RGS6: variants seen among roughly 807,000 people sequenced by gnomAD.
RGS6 encodes regulator of G-protein signaling 6.
Under a neutral mutation model 78.5 loss-of-function variants are expected in RGS6, and 30 were observed. That is an observed-to-expected ratio of 0.38 (90% CI 0.29 to 0.52). The LOEUF is 0.52. Among genes scored for constraint, RGS6 ranks in the 20% least tolerant of loss-of-function variants. RGS6 has a pLI of 0.85. For synonymous variants in RGS6, 206 were observed against 206.0 expected, an observed-to-expected ratio of 1.00 and a Z score of 0.00; for missense variants, 495 against 609.7, an observed-to-expected ratio of 0.81 and a Z score of 1.98.
At chr14:72,007,327 G>A (rs2084763054) in intron 2 of RGS6, among the ~76,000 whole-genome samples, 1 of 152,036 alleles carries the variant, frequency 6.6e-6, no homozygotes, top group Non-Finnish European at 1.5e-5. Flanking sequence ...CCAAATTCAG[G>A]GCACTTTTAG....
the RGS6 span, among the ~76,000 whole-genome samples, chr14:71,879,300 G>A: frequency 1.3e-5 from 2 of 152,352 alleles, no homozygotes; most frequent in Non-Finnish European, 2.9e-5. Flanking sequence ...GGACATAATA[G>A]TAGCAATATA....
intron 1 of RGS6, among the ~76,000 whole-genome samples, chr14:71,943,603 C>T (rs907953847): frequency 3.3e-5 from 5 of 152,124 alleles, no homozygotes; most frequent in African/African-American, 9.7e-5. Flanking sequence ...GAGAAGGCAG[C>T]GTGGGCAAGA....
chr14:72,087,338 C>T (rs2095085879), intron 2 of RGS6, among the ~76,000 whole-genome samples: 1 of 152,090 alleles, frequency 6.6e-6, no homozygotes, highest in South Asian at 2.1e-4. Context: ...GCCATATTGG[C>T]CAGGCTGGTT....
intron 12 of RGS6, among the ~76,000 whole-genome samples, chr14:72,487,492 T>C (rs1468175977): frequency 1.3e-5 from 2 of 152,152 alleles, no homozygotes. Flanking sequence ...CAGTTCACCT[T>C]AAAATAGAGA....
At chr14:72,302,144 A>G (rs1476004035) in intron 2 of RGS6, among the ~76,000 whole-genome samples, 1 of 152,234 alleles carries the variant, frequency 6.6e-6, no homozygotes. Context: ...GGAAGAGGTG[A>G]TACTTGCTCT....
At chr14:72,152,899 GAA>G (rs1328207038) in intron 2 of RGS6, among the ~76,000 whole-genome samples, 1 of 151,720 alleles carries the variant, frequency 6.6e-6, no homozygotes, top group Non-Finnish European at 1.5e-5. Context: ...GGGTAAAAAG[GAA>G]AAAAAGGGAA....
At chr14:72,261,129 G>A (rs978484207) in intron 2 of RGS6, among the ~76,000 whole-genome samples, 1 of 152,170 alleles carries the variant, frequency 6.6e-6, no homozygotes, top group African/African-American at 2.4e-5. Context: ...GTCCATGTGG[G>A]CCTCTGAAGA....
At chr14:72,554,109 A>G (rs1461763551) in intron 17 of RGS6, among the ~76,000 whole-genome samples, 1 of 152,262 alleles carries the variant, frequency 6.6e-6, no homozygotes, top group Non-Finnish European at 1.5e-5. Flanking sequence ...TGGGGAAGAA[A>G]GAAATGAGCC....
At chr14:72,594,019 C>T in the RGS6 span, among the ~76,000 whole-genome samples, 2 of 152,066 alleles carry the variant, frequency 1.3e-5, no homozygotes, top group South Asian at 2.1e-4. Flanking sequence ...GGGACCAGAA[C>T]CAAGATCTCT....
chr14:72,102,019 G>C (rs556327367), intron 2 of RGS6, among the ~76,000 whole-genome samples: 11 of 152,280 alleles, frequency 7.2e-5, no homozygotes, highest in African/African-American at 2.6e-4. Flanking sequence ...GCTTTTGTAG[G>C]GAGTGGTTGT....
chr14:71,931,120 G>A (rs2087826960), upstream of RGS6, among the ~76,000 whole-genome samples: 1 of 151,070 alleles, frequency 6.6e-6, no homozygotes, highest in African/African-American at 2.4e-5. Flanking sequence ...TCCACAACCG[G>A]CTTGAGCCAA....
At chr14:72,252,915 C>G (rs571896765) in intron 2 of RGS6, among the ~76,000 whole-genome samples, 4 of 152,280 alleles carry the variant, frequency 2.6e-5, no homozygotes, top group African/African-American at 9.6e-5. Flanking sequence ...ATACTGGGGA[C>G]TCCCTCTGCT....
intron 3 of RGS6, among the ~76,000 whole-genome samples, chr14:72,435,911 G>T (rs895284668): frequency 2.0e-5 from 3 of 152,056 alleles, no homozygotes; most frequent in Non-Finnish European, 4.4e-5. Context: ...GCCATGTAAG[G>T]TATCATATTC....
chr14:72,587,731 A>G, the RGS6 span, among the ~76,000 whole-genome samples: 1 of 152,132 alleles, frequency 6.6e-6, no homozygotes, highest in Non-Finnish European at 1.5e-5. Flanking sequence ...CATGAGTCCT[A>G]TCCAAATCTC....
At chr14:72,105,066 A>G (rs769258956) in intron 2 of RGS6, among the ~76,000 whole-genome samples, 41 of 152,196 alleles carry the variant, frequency 2.7e-4, no homozygotes, top group Admixed American at 6.5e-4. Flanking sequence ...AGAGCATTAT[A>G]CTAGCCCTAT....
intron 1 of RGS6, among the ~76,000 whole-genome samples, chr14:71,949,355 G>T (rs1262897666): frequency 6.6e-6 from 1 of 152,008 alleles, no homozygotes; most frequent in Non-Finnish European, 1.5e-5. Context: ...TTGAATTTTA[G>T]CCATTCTGGT....
chr14:72,124,981 A>T (rs1345957513), intron 2 of RGS6, among the ~76,000 whole-genome samples: 1 of 152,230 alleles, frequency 6.6e-6, no homozygotes, highest in Non-Finnish European at 1.5e-5. Flanking sequence ...ACACCAGTTG[A>T]CATTTTCCAA....
chr14:72,526,739 C>T, intron 15 of RGS6, among the ~76,000 whole-genome samples: 1 of 151,226 alleles, frequency 6.6e-6, no homozygotes, highest in South Asian at 2.1e-4. Flanking sequence ...AAAGATACAT[C>T]CAGAAGGAGC....
intron 2 of RGS6, among the ~76,000 whole-genome samples, chr14:72,191,963 C>T (rs2097331540): frequency 1.3e-5 from 2 of 152,278 alleles, no homozygotes; most frequent in Non-Finnish European, 2.9e-5. Flanking sequence ...TAGGTGTCCT[C>T]AGGGTGGTGC....
Sources: gnomAD v4.1 joint callset for allele counts (sites outside exome capture counted in the v4.1 genomes callset) on GRCh38, gnomAD v4.1.1 for gene constraint, MANE v1.5 for transcripts, NCBI Gene and HGNC (gene_info 2026-07-23, HGNC 2026-07-21) for gene names.